The following CNTN4 variants were observed in gnomAD, a reference collection of about 807,000 sequenced individuals.
The protein encoded by CNTN4 is contactin 4.
Under a neutral mutation model 122.5 loss-of-function variants are expected in CNTN4, and 77 were observed. The observed-to-expected ratio is 0.63, with a 90% CI of 0.52 to 0.76. CNTN4 has a LOEUF of 0.76. CNTN4 is among the 30% of genes least tolerant of loss of function. The pLI is 0.00. For missense variants in CNTN4, 1,256 were observed against 1,259.1 expected (o/e 1.00, Z 0.04); for synonymous variants, 512 against 447.0 (o/e 1.15, Z -1.83).
Position 2,984,291 on chromosome 3 carries a change from A to G in CNTN4, c.1359-4054A>G, listed in dbSNP as rs114594026. Among the ~76,000 whole-genome samples, 1,375 of 152,338 alleles carry G rather than the reference A, an allele frequency of 9.0e-3. 10 individuals are homozygous for G. Among genetic ancestry groups the G allele is most frequent in the Middle Eastern group, 0.041 (12 of 294 alleles). ...CTTTAAGTTAACGAAATTTTCACCT[A>G]TCTTATCTCATTATAGAAGAAGGGA... On this transcript the variant is annotated intron_variant, in intron 13 of 24. Coordinates refer to ENST00000418658, the MANE Select transcript of CNTN4 (RefSeq NM_175607.3).
chr3:2,330,109 C>A (rs2043656762), intron 2 of CNTN4, among the ~76,000 whole-genome samples: 1 of 152,212 alleles, frequency 6.6e-6, no homozygotes, highest in African/African-American at 2.4e-5. Context: ...CCATGACCGC[C>A]TCCTTGGGTT....
intron 13 of CNTN4, among the ~76,000 whole-genome samples, chr3:2,945,812 T>C (rs1398478458): frequency 1.3e-5 from 2 of 152,202 alleles, no homozygotes; most frequent in Non-Finnish European, 2.9e-5. Context: ...GCCTAGAGGA[T>C]AGATTTGTGT....
At chr3:2,419,994 C>T (rs527328173) in intron 3 of CNTN4, among the ~76,000 whole-genome samples, 1 of 152,248 alleles carries the variant, frequency 6.6e-6, no homozygotes, top group Admixed American at 6.5e-5. Context: ...AAGCCACGGT[C>T]ATTGGCAACA....
chr3:2,388,365 T>A (rs930288017), intron 3 of CNTN4, among the ~76,000 whole-genome samples: 1 of 152,212 alleles, frequency 6.6e-6, no homozygotes, highest in African/African-American at 2.4e-5. Flanking sequence ...TCTCAGTGGA[T>A]GAAGAGCTGA....
At chr3:3,020,535 CCTGG>C (rs1446687489) in intron 14 of CNTN4, among the ~76,000 whole-genome samples, 2 of 152,250 alleles carry the variant, frequency 1.3e-5, no homozygotes, top group African/African-American at 4.8e-5. Flanking sequence ...CTTTTTCCAG[CCTGG>C]CTGGCCACTA....
At chr3:2,524,882 C>A (rs2077346558) in intron 3 of CNTN4, among the ~76,000 whole-genome samples, 1 of 152,080 alleles carries the variant, frequency 6.6e-6, no homozygotes, top group African/African-American at 2.4e-5. Context: ...AATAGAATAC[C>A]AGCTCAGCCT....
chr3:2,192,921 G>A (rs1204735434), intron 2 of CNTN4, among the ~76,000 whole-genome samples: 1 of 152,174 alleles, frequency 6.6e-6, no homozygotes, highest in African/African-American at 2.4e-5. Context: ...GTTTTGCTGT[G>A]TGATCCAGGC....
At position 2,871,114 on chromosome 3, in the gene CNTN4, C is replaced by T. The variant is rs73003248; in HGVS notation, c.652+4165C>T. ...AAGCCATGAGGATCCCGAAGCCAAGCAGTCCAGGCAGAGTTCAGCCCCACC... is the reference window on the plus strand; with the variant it reads ...AAGCCATGAGGATCCCGAAGCCAAGTAGTCCAGGCAGAGTTCAGCCCCACC... On this transcript the variant is annotated intron_variant, in intron 8 of 24. Transcript: ENST00000418658. Among the ~76,000 whole-genome samples, 336 of 152,282 alleles carry T rather than the reference C, an allele frequency of 2.2e-3. 3 individuals carry two copies. Among genetic ancestry groups the T allele is most frequent in the Admixed American group, 7.5e-3 (114 of 15,294 alleles).
At chr3:2,341,620 G>A (rs2044213728) in intron 3 of CNTN4, among the ~76,000 whole-genome samples, 1 of 152,202 alleles carries the variant, frequency 6.6e-6, no homozygotes, top group Non-Finnish European at 1.5e-5. Context: ...GGCACCCTGT[G>A]GTGCCACCCT....
chr3:2,506,948 C>T (rs1450712694), intron 3 of CNTN4, among the ~76,000 whole-genome samples: 1 of 152,024 alleles, frequency 6.6e-6, no homozygotes, highest in Non-Finnish European at 1.5e-5. Flanking sequence ...TTCTGAGGCT[C>T]ATGTTCGGTT....
At chr3:2,264,671 T>A (rs115206457) in intron 2 of CNTN4, among the ~76,000 whole-genome samples, 1,910 of 152,208 alleles carry the variant, frequency 0.013, 22 homozygotes, top group Non-Finnish European at 0.022. Flanking sequence ...TTTTGTTGCC[T>A]GTGCTTTTGA....
chr3:2,422,550 C>G (rs527308958), intron 3 of CNTN4, among the ~76,000 whole-genome samples: 2 of 152,198 alleles, frequency 1.3e-5, no homozygotes, highest in Non-Finnish European at 2.9e-5. Flanking sequence ...GTGCTTATAT[C>G]TAAAGCCATT....
At chr3:2,181,835 AC>A (rs1404434597) in intron 2 of CNTN4, among the ~76,000 whole-genome samples, 4 of 152,134 alleles carry the variant, frequency 2.6e-5, no homozygotes, top group African/African-American at 9.6e-5. Flanking sequence ...TGGCAGTTGC[AC>A]GAGTTTTGGT....
chr3:2,377,034 T>G (rs1575496121), intron 3 of CNTN4, among the ~76,000 whole-genome samples: 1 of 151,976 alleles, frequency 6.6e-6, no homozygotes, highest in Admixed American at 6.6e-5. Flanking sequence ...AGCACACCTG[T>G]AGTCCCAGCT....
At chr3:2,802,001 A>G (rs2092359550) in intron 6 of CNTN4, among the ~76,000 whole-genome samples, 1 of 152,266 alleles carries the variant, frequency 6.6e-6, no homozygotes, top group Non-Finnish European at 1.5e-5. Context: ...AAGGAAACAT[A>G]TCATTATTGG....
At chr3:2,757,358 T>C (rs1246008484) in intron 6 of CNTN4, among the ~76,000 whole-genome samples, 1 of 151,872 alleles carries the variant, frequency 6.6e-6, no homozygotes, top group Non-Finnish European at 1.5e-5. Flanking sequence ...TGATGCGGAG[T>C]AGTTTGTTGG....
In CNTN4 at chr3:3,054,126, C is replaced by T. The variant is rs532643129; in HGVS notation, c.2980+151C>T. ...CCCCCCTTCTCCAGATGTTTGCTGG[C>T]CATAGGCAGTTTCATGCAAAAATCA... On this transcript the variant is annotated intron_variant, in intron 24 of 24. Coordinates refer to ENST00000418658, the MANE Select transcript of CNTN4 (RefSeq NM_175607.3). The T allele has an allele frequency of 2.9e-4, 245 of 843,126 alleles. 1 individual carries two copies. Among genetic ancestry groups the T allele is most frequent in the South Asian group, 6.9e-4 (44 of 63,982 alleles). 52.2% of individuals were successfully genotyped at this position (843,126 alleles called of 1,614,324 possible).
intron 2 of CNTN4, among the ~76,000 whole-genome samples, chr3:2,139,427 A>G (rs1267860145): frequency 6.6e-6 from 1 of 152,220 alleles, no homozygotes; most frequent in Non-Finnish European, 1.5e-5. Flanking sequence ...ATACATTGGA[A>G]TTAGATTGGA....
chr3:2,325,799 A>G (rs1390840154), intron 2 of CNTN4, among the ~76,000 whole-genome samples: 1 of 152,230 alleles, frequency 6.6e-6, no homozygotes, highest in Non-Finnish European at 1.5e-5. Flanking sequence ...TTCATTATGT[A>G]TATAACATCA....
Sources: allele counts gnomAD v4.1 joint callset (sites outside exome capture counted in the v4.1 genomes callset), GRCh38; gene constraint gnomAD v4.1.1; transcripts MANE v1.5; gene names NCBI Gene and HGNC (gene_info 2026-07-23, HGNC 2026-07-21).